Variants in ANGPT1 observed in about 807,000 individuals in gnomAD.
ANGPT1 encodes angiopoietin-1.
ANGPT1 carries 17 observed loss-of-function variants against 62.2 expected under a neutral mutation model. That is an observed-to-expected ratio of 0.27 (90% CI 0.19 to 0.41). The LOEUF is 0.41. Ranked by LOEUF, ANGPT1 falls within the 10% of genes least tolerant of loss-of-function variation. ANGPT1 has a pLI of 1.00. For synonymous variants in ANGPT1, 199 were observed against 198.9 expected (o/e 1.00, Z 0.00); for missense variants, 478 against 594.9 (o/e 0.80, Z 2.04).
At chr8:107,457,825 TACACACACACACACACACAC>T (rs148742634) in intron 1 of ANGPT1, among the ~76,000 whole-genome samples, 1 of 81,682 alleles carries the variant, frequency 1.2e-5, no homozygotes, top group Admixed American at 1.2e-4. Flanking sequence ...ACATACCCAC[TACACACACACACACACACAC>T]ACACACACAC....
intron 1 of ANGPT1, among the ~76,000 whole-genome samples, chr8:107,423,621 C>T (rs1246336792): frequency 3.3e-5 from 5 of 152,116 alleles, no homozygotes; most frequent in African/African-American, 9.7e-5. Context: ...ACTGTCTGCA[C>T]AAATCTCTCT....
intron 1 of ANGPT1, among the ~76,000 whole-genome samples, chr8:107,362,782 C>A (rs1315378358): frequency 1.3e-5 from 2 of 152,106 alleles, no homozygotes; most frequent in Non-Finnish European, 2.9e-5. Context: ...ATAATTCTCA[C>A]CATTTTTTTT....
At chr8:107,266,933 A>G (rs1813627559) in intron 7 of ANGPT1, among the ~76,000 whole-genome samples, 2 of 152,254 alleles carry the variant, frequency 1.3e-5, no homozygotes, top group South Asian at 4.1e-4. Context: ...TTTGAGAAGA[A>G]AAGCAAAAAG....
intron 1 of ANGPT1, among the ~76,000 whole-genome samples, chr8:107,396,445 G>T (rs183159450): frequency 6.6e-6 from 1 of 151,272 alleles, no homozygotes; most frequent in Admixed American, 6.6e-5. Flanking sequence ...GATATGTAAG[G>T]ACATTAAAAT....
intron 1 of ANGPT1, among the ~76,000 whole-genome samples, chr8:107,402,257 G>T (rs7821938): frequency 0.037 from 5,681 of 152,218 alleles, 353 homozygotes; most frequent in African/African-American, 0.13. Context: ...GATCTTCTGT[G>T]TTGAAAGTCC....
intron 1 of ANGPT1, among the ~76,000 whole-genome samples, chr8:107,401,528 G>GA (rs1817047728): frequency 6.6e-6 from 1 of 152,156 alleles, no homozygotes; most frequent in South Asian, 2.1e-4. Flanking sequence ...ATACACTAAA[G>GA]ATCTGAAGTG....
chr8:107,349,367 C>T (rs546110600), intron 1 of ANGPT1, among the ~76,000 whole-genome samples: 1 of 152,058 alleles, frequency 6.6e-6, no homozygotes, highest in African/African-American at 2.4e-5. Flanking sequence ...TTAACACTTA[C>T]AACCAAGATT....
chr8:107,425,593 G>A (rs1013706337), intron 1 of ANGPT1, among the ~76,000 whole-genome samples: 1 of 152,072 alleles, frequency 6.6e-6, no homozygotes, highest in Non-Finnish European at 1.5e-5. Context: ...ATGTTACTCT[G>A]TTGGCTCCCA....
chr8:107,497,452 A>G lies in ANGPT1; in HGVS notation c.107T>C (p.Ile36Thr). The G allele has an allele frequency of 6.2e-7, 1 of 1,614,106 alleles. No individual in the cohort carries two copies. The highest frequency in any genetic ancestry group is 8.5e-7 in the Non-Finnish European group (1 of 1,180,032). The stretch of plus-strand genomic sequence containing the variant: ...AGTGTAGGCACATTGCCCATGTTGA[A>G]TCCGGTTATATCTTCTCCCACTGTT... ...PENSGRRYNR[I>T]QHGQCAYTFI... Residue 36 changes from isoleucine (I) to threonine (T), a missense_variant, in exon 1 of 9, where the codon ATT (isoleucine) becomes ACT (threonine). Around this residue, in one of 4 missense-constraint regions of ANGPT1, gnomAD observed 343 missense variants for 355.4 expected, o/e 0.97. Coordinates refer to ENST00000517746, the MANE Select transcript of ANGPT1 (RefSeq NM_001146.5).
chr8:107,466,242 T>A (rs1248527403), intron 1 of ANGPT1, among the ~76,000 whole-genome samples: 1 of 152,126 alleles, frequency 6.6e-6, no homozygotes, highest in African/African-American at 2.4e-5. Context: ...GTCCTGTTTA[T>A]CCTATTGTCT....
intron 5 of ANGPT1, among the ~76,000 whole-genome samples, chr8:107,299,606 G>A (rs1205552686): frequency 7.4e-6 from 1 of 135,696 alleles, no homozygotes; most frequent in Middle Eastern, 7.1e-3. Context: ...AGATATATAG[G>A]TATATTATAT....
At chr8:107,312,214 G>A (rs1401054450) in intron 4 of ANGPT1, among the ~76,000 whole-genome samples, 1 of 152,146 alleles carries the variant, frequency 6.6e-6, no homozygotes, top group East Asian at 1.9e-4. Flanking sequence ...GGGCAGTTAC[G>A]AATGCTGCAC....
intron 1 of ANGPT1, among the ~76,000 whole-genome samples, chr8:107,465,356 A>C (rs2130485438): frequency 6.6e-6 from 1 of 152,282 alleles, no homozygotes; most frequent in African/African-American, 2.4e-5. Context: ...CAGGTCTGGA[A>C]ATGTTGTTAC....
Position 107,294,055 on chromosome 8 carries a change from A to G in ANGPT1, c.937-18T>C. The G allele has an allele frequency of 1.3e-6, 2 of 1,584,342 alleles. No individual in the cohort carries two copies. The highest frequency in any genetic ancestry group is 1.4e-5 in the African/African-American group (1 of 74,020). ...CAAAACACCTGACAAATGGAAAACA[A>G]AGTCAAGTAAAAAATACTTCTACTT... On this transcript the variant is annotated intron_variant, in intron 5 of 8. Transcript: ENST00000517746.
intron 6 of ANGPT1, among the ~76,000 whole-genome samples, chr8:107,285,152 G>A (rs1814109266): frequency 6.6e-6 from 1 of 151,928 alleles, no homozygotes; most frequent in African/African-American, 2.4e-5. Context: ...TCAATTCAAG[G>A]TTTGCTTTTG....
chr8:107,293,862 G>T, intron 6 of ANGPT1, 74 bp downstream of exon 6: 1 of 1,164,514 alleles, frequency 8.6e-7, no homozygotes, highest in Non-Finnish European at 1.2e-6. Context: ...AAAATACCAA[G>T]ATTCATCATA....
intron 1 of ANGPT1, among the ~76,000 whole-genome samples, chr8:107,354,298 T>A (rs991174531): frequency 6.6e-6 from 1 of 152,128 alleles, no homozygotes; most frequent in Non-Finnish European, 1.5e-5. Flanking sequence ...TTCCTTTACC[T>A]TTTTTTAAAA....
At chr8:107,261,326 G>C (rs1330069973) in intron 8 of ANGPT1, among the ~76,000 whole-genome samples, 1 of 152,080 alleles carries the variant, frequency 6.6e-6, no homozygotes, top group Non-Finnish European at 1.5e-5. Context: ...AGGGCTGAGG[G>C]AGGAGTCATA....
intron 1 of ANGPT1, among the ~76,000 whole-genome samples, chr8:107,412,818 C>T (rs1810624091): frequency 6.6e-6 from 1 of 152,110 alleles, no homozygotes; most frequent in Non-Finnish European, 1.5e-5. Context: ...TTGGTATTTG[C>T]CTGCCTGGTT....
Sources: gnomAD v4.1 joint callset for allele counts (sites outside exome capture counted in the v4.1 genomes callset) on GRCh38, gnomAD v4.1.1 for gene constraint, gnomAD v4.1.1 regional missense constraint, MANE v1.5 for transcripts, NCBI Gene and HGNC (gene_info 2026-07-23, HGNC 2026-07-21) for gene names.